The following DLEC1 variants were observed in gnomAD, a reference collection of about 807,000 sequenced individuals.
The protein encoded by DLEC1 is DLEC1 cilia and flagella associated protein.
Under a neutral mutation model 198.1 loss-of-function variants are expected in DLEC1, and 146 were observed. The observed-to-expected ratio is 0.74, with a 90% CI of 0.64 to 0.85. The LOEUF (loss-of-function observed/expected upper bound fraction) is 0.85, where lower values mean the gene tolerates loss of function less well. Ranked by LOEUF, DLEC1 falls within the 40% of genes least tolerant of loss-of-function variation. The pLI, the probability that DLEC1 is intolerant of heterozygous loss-of-function variation, is 0.00. For synonymous variants in DLEC1, 897 were observed against 866.8 expected, an observed-to-expected ratio of 1.03 and a Z score of -0.61; for missense variants, 2,233 against 2,220.0, an observed-to-expected ratio of 1.01 and a Z score of -0.12.
intron 10 of DLEC1, among the ~76,000 whole-genome samples, chr3:38,088,906 C>T (rs1698603158): frequency 6.6e-6 from 1 of 152,134 alleles, no homozygotes; most frequent in Non-Finnish European, 1.5e-5. Flanking sequence ...CTAACTGGCC[C>T]CTTTTGCTGC....
chr3:38,107,561 C>A, intron 19 of DLEC1, 23 bp from the exon 20 acceptor site: 1 of 1,569,476 alleles, frequency 6.4e-7, no homozygotes, highest in Non-Finnish European at 8.7e-7. Context: ...AATCAGTATG[C>A]CTTTTGTTTC....
rs1463057449 is a variant in DLEC1, at chr3:38,084,335, A to G, written c.1261+90A>G. ...TAGTAGTAGTGGTGGTAGTAATGGTAGCAATGATAGTAGTAGTGGTGGTGG... is the reference window on the plus strand; with the variant it reads ...TAGTAGTAGTGGTGGTAGTAATGGTGGCAATGATAGTAGTAGTGGTGGTGG... On this transcript the variant is annotated intron_variant, in intron 7 of 36. Coordinates refer to ENST00000308059, the MANE Select transcript of DLEC1 (RefSeq NM_007335.4). 1.5e-4 allele frequency: 155 copies of G among 1,061,536 alleles called. 1 individual carries two copies. Among genetic ancestry groups the G allele is most frequent in the Middle Eastern group, 2.2e-4 (1 of 4,534 alleles). 65.8% of individuals were successfully genotyped at this position (1,061,536 alleles called of 1,614,324 possible). A position where few individuals can be genotyped will look rare whatever the true frequency, so the allele number is the denominator to read the frequency against.
intron 2 of DLEC1, among the ~76,000 whole-genome samples, chr3:38,058,991 T>TA (rs1417774982): frequency 5.3e-5 from 8 of 152,202 alleles, no homozygotes; most frequent in Admixed American, 3.9e-4. Flanking sequence ...TACCTATAAA[T>TA]AATGTTATTT....
At chr3:38,056,154 T>C (rs1204707468) in intron 2 of DLEC1, among the ~76,000 whole-genome samples, 1 of 149,580 alleles carries the variant, frequency 6.7e-6, no homozygotes, top group Admixed American at 6.7e-5. Context: ...TCCCAGCTAC[T>C]TGGGAGGCTG....
chr3:38,079,486 C>T (rs368948400), intron 6 of DLEC1, among the ~76,000 whole-genome samples: 146 of 152,216 alleles, frequency 9.6e-4, no homozygotes, highest in African/African-American at 3.4e-3. Flanking sequence ...ACCCAAAGCT[C>T]GGTGTCCGTG....
chr3:38,083,633 T>G (rs2062009103), intron 6 of DLEC1, among the ~76,000 whole-genome samples: 1 of 152,170 alleles, frequency 6.6e-6, no homozygotes, highest in Non-Finnish European at 1.5e-5. Context: ...GCATTTTCAC[T>G]TCTTTTGTGA....
chr3:38,110,187 AT>A lies in DLEC1; in HGVS notation c.3351del (p.Leu1118SerfsTer25), dbSNP rs1405929125. 4 of 1,614,088 alleles carry A rather than the reference AT, an allele frequency of 2.5e-6. No homozygotes were observed. In the Admixed American group the frequency reaches 6.7e-5, roughly 27 times the overall value. ...PLRTRVTRQLILTNRSPIRTR... is the reference protein window; with the variant it reads ...PLRTRVTRQLXLTNRSPIRTR... Reference sequence around the variant, plus strand: ...GAGGACCCGTGTGACTCGCCAGCTCATTCTCACCAATCGCTCCCCAATACGG... The same window carrying A: ...GAGGACCCGTGTGACTCGCCAGCTCATCTCACCAATCGCTCCCCAATACGG... On this transcript the variant is annotated frameshift_variant, in exon 23 of 37. Transcript: ENST00000308059. LOFTEE classifies it high-confidence loss of function.
At position 38,096,633 on chromosome 3, in the gene DLEC1, G is replaced by A. The variant is rs150616817; in HGVS notation, c.2236G>A (p.Glu746Lys). 6.2e-7 allele frequency: 1 copy of A among 1,612,976 alleles called. No individual in the cohort carries two copies. Among genetic ancestry groups the A allele is most frequent in the East Asian group, 2.2e-5 (1 of 44,878 alleles). ...SVDDVIVLEI[E>K]VKGSVEPFQV... ...GGATGATGTGATTGTCCTGGAAATC[G>A]AGGTGAAAGGCTCAGTAGAACCTTT... is the stretch of plus-strand genomic sequence containing the variant. The change falls in exon 15 of 37, where the codon GAG (glutamate) becomes AAG (lysine). Residue 746 changes from glutamate (E) to lysine (K), a missense_variant. Physicochemically the swap from Glu to Lys is moderately conservative, Grantham distance 56. Coordinates refer to ENST00000308059, the MANE Select transcript of DLEC1 (RefSeq NM_007335.4).
chr3:38,095,799 G>A (rs1044310201), intron 13 of DLEC1, 89 bp from the exon 14 acceptor site: 1 of 1,535,816 alleles, frequency 6.5e-7, no homozygotes, highest in East Asian at 2.3e-5. Context: ...AGGCTAAGGG[G>A]AGGAAGAATT....
chr3:38,070,217 C>T (rs1697241985), intron 6 of DLEC1, among the ~76,000 whole-genome samples: 4 of 152,092 alleles, frequency 2.6e-5, no homozygotes, highest in Admixed American at 2.6e-4. Flanking sequence ...GTAAGAGGCC[C>T]AATTACATCC....
chr3:38,103,986 C>A (rs1306377540), intron 19 of DLEC1, among the ~76,000 whole-genome samples: 2 of 152,142 alleles, frequency 1.3e-5, no homozygotes, highest in Non-Finnish European at 2.9e-5. Flanking sequence ...CAAGACATGA[C>A]ACAGAGACAT....
chr3:38,042,003 A>T (rs932678134), intron 1 of DLEC1, among the ~76,000 whole-genome samples: 45 of 151,944 alleles, frequency 3.0e-4, no homozygotes, highest in Admixed American at 7.2e-4. Context: ...TTATTTATTT[A>T]TTTTTTTGAG....
At chr3:38,084,475 TGG>T (rs1435799182) in intron 7 of DLEC1, among the ~76,000 whole-genome samples, 4 of 151,542 alleles carry the variant, frequency 2.6e-5, no homozygotes, top group Admixed American at 6.6e-5. Context: ...GTAGTGGTGG[TGG>T]TGGTAGTAGT....
At chr3:38,052,686 G>T (rs1701181603) in intron 2 of DLEC1, among the ~76,000 whole-genome samples, 1 of 152,216 alleles carries the variant, frequency 6.6e-6, no homozygotes, top group South Asian at 2.1e-4. Flanking sequence ...GTTTATCTGA[G>T]ATCTTGCATT....
At chr3:38,100,476 T>C in intron 19 of DLEC1, 51 bp downstream of exon 19, 1 of 1,534,072 alleles carries the variant, frequency 6.5e-7, no homozygotes, top group Non-Finnish European at 8.7e-7. Context: ...ATATTCGTGA[T>C]GTATTTATCT....
chr3:38,116,423 T>C, intron 27 of DLEC1, 30 bp from the exon 28 acceptor site: 1 of 1,613,096 alleles, frequency 6.2e-7, no homozygotes, highest in African/African-American at 1.3e-5. Flanking sequence ...CCTCCCTTAT[T>C]CCTCACCCTG....
chr3:38,081,483 C>T (rs1158578385), intron 6 of DLEC1, among the ~76,000 whole-genome samples: 4 of 97,106 alleles, frequency 4.1e-5, no homozygotes, highest in South Asian at 6.2e-4. Flanking sequence ...GGCGGCTGGC[C>T]GGGCAGAGGG....
intron 8 of DLEC1, among the ~76,000 whole-genome samples, chr3:38,086,004 G>A (rs1388358363): frequency 2.6e-5 from 4 of 152,242 alleles, no homozygotes; most frequent in African/African-American, 9.6e-5. Context: ...GACTTCTGCT[G>A]CTCTAGCCAG....
intron 21 of DLEC1, 86 bp downstream of exon 21, chr3:38,108,601 A>G (rs1699694967): frequency 9.5e-7 from 1 of 1,049,174 alleles, no homozygotes; most frequent in Non-Finnish European, 1.4e-6. Flanking sequence ...GCCCTAGCTT[A>G]GGCCACATTG....
Sources: gnomAD v4.1 joint callset for allele counts (sites outside exome capture counted in the v4.1 genomes callset) on GRCh38, gnomAD v4.1.1 for gene constraint, MANE v1.5 for transcripts, NCBI Gene and HGNC (gene_info 2026-07-23, HGNC 2026-07-21) for gene names.